Variants in TDRD3 observed in about 807,000 individuals in gnomAD.
The protein encoded by TDRD3 is tudor domain-containing protein 3.
A neutral mutation model predicts 86.7 loss-of-function variants in TDRD3; 45 were observed. That is an observed-to-expected ratio of 0.52 (90% CI 0.41 to 0.67). The LOEUF is 0.67. Among genes scored for constraint, TDRD3 ranks in the 30% least tolerant of loss-of-function variants. The pLI is 0.00. For synonymous variants in TDRD3, 298 were observed against 301.7 expected, an observed-to-expected ratio of 0.99 and a Z score of 0.13; for missense variants, 814 against 889.0, an observed-to-expected ratio of 0.92 and a Z score of 1.07.
At chr13:60,427,113 C>T (rs1414991643) in intron 1 of TDRD3, among the ~76,000 whole-genome samples, 1 of 152,158 alleles carries the variant, frequency 6.6e-6, no homozygotes, top group African/African-American at 2.4e-5. Flanking sequence ...ATGTATCTGT[C>T]ATTGACCAAA....
chr13:60,531,759 A>G (rs1957587019), intron 11 of TDRD3, among the ~76,000 whole-genome samples: 1 of 152,188 alleles, frequency 6.6e-6, no homozygotes, highest in Admixed American at 6.5e-5. Flanking sequence ...GGAAAAAAAT[A>G]ACATCTTCTA....
At position 60,522,070 on chromosome 13, in the gene TDRD3, T is replaced by A. The variant is rs987279005; in HGVS notation, c.1142-6297T>A. On this transcript the variant is annotated intron_variant, in intron 10 of 13. Transcript: ENST00000377881. ...TACTTTTTAAATATTTCTTAGCATTTTTAATATAGAAAAAAATTAAAGGAT... is the reference window on the plus strand; with the variant it reads ...TACTTTTTAAATATTTCTTAGCATTATTAATATAGAAAAAAATTAAAGGAT... Among the ~76,000 whole-genome samples the A allele has an allele frequency of 3.5e-4, 54 of 152,216 alleles. No homozygotes were observed. The South Asian group carries it at 4.1e-3, about 12-fold the overall frequency.
rs150321132 is a variant in TDRD3 at position 60,548,622 on chromosome 13, G to GT, written c.2118+13390dup. Among the ~76,000 whole-genome samples, 64 of 152,182 alleles carry GT rather than the reference G, an allele frequency of 4.2e-4. No homozygotes were observed. The East Asian group carries it at 0.011, about 25-fold the overall frequency. ...ATGCTCAATATGGTTTCTTGCTGAA[G>GT]TAGCAGTGTCATCTTTCATAACTAA... On this transcript the variant is annotated intron_variant, in intron 12 of 13. Coordinates refer to ENST00000377881, the MANE Select transcript of TDRD3 (RefSeq NM_001146070.2).
chr13:60,474,817 C>T (rs1956150268), intron 5 of TDRD3, among the ~76,000 whole-genome samples: 1 of 151,862 alleles, frequency 6.6e-6, no homozygotes, highest in Non-Finnish European at 1.5e-5. Context: ...AGATCAAGTT[C>T]CTGCATGGTG....
At chr13:60,442,509 G>A (rs923307707) in intron 2 of TDRD3, among the ~76,000 whole-genome samples, 2 of 151,918 alleles carry the variant, frequency 1.3e-5, no homozygotes, top group African/African-American at 2.4e-5. Flanking sequence ...CAATATAACA[G>A]CATTCTTGGA....
chr13:60,519,501 C>T (rs1275358632), intron 10 of TDRD3, among the ~76,000 whole-genome samples: 1 of 152,114 alleles, frequency 6.6e-6, no homozygotes. Context: ...TACTCAGATA[C>T]ATGTATTTTC....
At chr13:60,504,497 A>T (rs1037882678) in intron 8 of TDRD3, among the ~76,000 whole-genome samples, 3 of 152,236 alleles carry the variant, frequency 2.0e-5, no homozygotes, top group Non-Finnish European at 2.9e-5. Flanking sequence ...TCTGACTTGT[A>T]TGATTTAGAC....
chr13:60,561,424 A>G (rs1254930611), intron 12 of TDRD3, among the ~76,000 whole-genome samples: 1 of 152,106 alleles, frequency 6.6e-6, no homozygotes. Context: ...TGGGTTTTTA[A>G]TTTCTGTGGC....
chr13:60,520,847 T>G (rs1399662287), intron 10 of TDRD3, among the ~76,000 whole-genome samples: 1 of 152,186 alleles, frequency 6.6e-6, no homozygotes, highest in African/African-American at 2.4e-5. Flanking sequence ...GGACTGGAAT[T>G]TAATTCCAGT....
chr13:60,541,773 A>C (rs1338984962), intron 12 of TDRD3, among the ~76,000 whole-genome samples: 5 of 89,566 alleles, frequency 5.6e-5, no homozygotes, highest in African/African-American at 2.1e-4. Flanking sequence ...CTTGTTGCCC[A>C]GGATGGTGCA....
At position 60,485,147 on chromosome 13, in the gene TDRD3, T is replaced by C. The variant is rs534297453; in HGVS notation, c.568-652T>C. Among the ~76,000 whole-genome samples the C allele has an allele frequency of 2.6e-4, 39 of 152,252 alleles. 1 individual carries two copies. In the South Asian group the frequency reaches 7.9e-3, roughly 31 times the overall value. On this transcript the variant is annotated intron_variant, in intron 6 of 13. Coordinates refer to ENST00000377881, the MANE Select transcript of TDRD3 (RefSeq NM_001146070.2). ...TCTGTATTTGTGGAACACATTTCTT[T>C]GAGATCTTCCCATTTTCCTTTTTAT...
At chr13:60,439,650 T>C in intron 1 of TDRD3, 38 bp from the exon 2 acceptor site, 1 of 1,474,774 alleles carries the variant, frequency 6.8e-7, no homozygotes, top group East Asian at 2.5e-5. Context: ...TTAATTTTGA[T>C]TTTAGATAAT....
At chr13:60,499,599 A>C (rs1956790533) in intron 8 of TDRD3, among the ~76,000 whole-genome samples, 1 of 152,256 alleles carries the variant, frequency 6.6e-6, no homozygotes, top group Non-Finnish European at 1.5e-5. Context: ...GATTGGATCC[A>C]GTAAGCACGA....
intron 1 of TDRD3, among the ~76,000 whole-genome samples, chr13:60,418,568 A>C (rs1360456640): frequency 6.6e-6 from 1 of 152,168 alleles, no homozygotes; most frequent in East Asian, 1.9e-4. Flanking sequence ...GAATAAATAA[A>C]CTGAATGGAC....
At chr13:60,553,063 C>T (rs1296272930) in intron 12 of TDRD3, among the ~76,000 whole-genome samples, 6 of 152,216 alleles carry the variant, frequency 3.9e-5, no homozygotes, top group Non-Finnish European at 8.8e-5. Context: ...GTTACTTATG[C>T]AAATTTCTGC....
At chr13:60,524,364 G>A (rs1384222631) in intron 10 of TDRD3, among the ~76,000 whole-genome samples, 1 of 151,672 alleles carries the variant, frequency 6.6e-6, no homozygotes, top group Non-Finnish European at 1.5e-5. Context: ...AAAATTAGCC[G>A]GGCGTGGTGG....
rs112104827 is a variant in TDRD3 at position 60,567,906 on chromosome 13, T to G, written c.*9+256T>G. Among the ~76,000 whole-genome samples the G allele has an allele frequency of 2.9e-4, 44 of 151,430 alleles. 1 individual carries two copies. The highest frequency in any genetic ancestry group is 1.1e-3 in the African/African-American group (44 of 41,284). On this transcript the variant is annotated intron_variant, in intron 13 of 13. Coordinates refer to ENST00000377881, the MANE Select transcript of TDRD3 (RefSeq NM_001146070.2). ...GCCCAGCTGATTTTTTTTTTTTTTT[T>G]TTGTATTTTTAGTAGCAATGGGGTT... is the stretch of plus-strand genomic sequence containing the variant.
chr13:60,405,741 G>T (rs1954219041), intron 1 of TDRD3, among the ~76,000 whole-genome samples: 2 of 152,196 alleles, frequency 1.3e-5, no homozygotes, highest in Admixed American at 1.3e-4. Context: ...TTTTTATTTT[G>T]AAGGCAATAG....
chr13:60,454,396 A>T (rs894602700), intron 3 of TDRD3, among the ~76,000 whole-genome samples: 7 of 151,742 alleles, frequency 4.6e-5, no homozygotes, highest in South Asian at 2.1e-4. Flanking sequence ...TTTTTTAATA[A>T]TTTTTTTTAA....
Sources: allele counts gnomAD v4.1 joint callset (sites outside exome capture counted in the v4.1 genomes callset), GRCh38; gene constraint gnomAD v4.1.1; transcripts MANE v1.5; gene names NCBI Gene and HGNC (gene_info 2026-07-23, HGNC 2026-07-21).